Variants in SLC35E3 observed in about 807,000 individuals in gnomAD.
The protein encoded by SLC35E3 is bladder cancer-overexpressed gene 1 protein.
Under a neutral mutation model 30.8 loss-of-function variants are expected in SLC35E3, and 28 were observed. The observed-to-expected ratio is 0.91, with a 90% CI of 0.67 to 1.25. SLC35E3 has a LOEUF of 1.25. SLC35E3 is among the 50% of genes most tolerant of loss of function. The probability of loss-of-function intolerance (pLI) is 0.00; values close to 1 mark genes in which losing one functional copy is unlikely to be tolerated. For synonymous variants in SLC35E3, 146 were observed against 149.2 expected (o/e 0.98, Z 0.16); for missense variants, 365 against 375.4 (o/e 0.97, Z 0.23).
rs1879335983 is a variant in SLC35E3, at chr12:68,764,884, T to A, written c.936T>A (p.Arg312=). ...GAAGTAGGAGTAAACTGGCACAACG[T>A]CCTTAATTGGGTTTTTGTGGAGAAA... ...QEGSRSKLAQ[R]P The change falls in exon 5 of 5, where the codon CGT becomes CGA. Residue 312 remains arginine (R), a synonymous_variant. Coordinates refer to ENST00000398004, the MANE Select transcript of SLC35E3 (RefSeq NM_018656.5). 6.2e-7 allele frequency: 1 copy of A among 1,612,522 alleles called. No homozygotes were observed. Among genetic ancestry groups the A allele is most frequent in the Middle Eastern group, 1.7e-4 (1 of 6,054 alleles).
At chr12:68,756,768 A>G (rs531607752) in intron 3 of SLC35E3, among the ~76,000 whole-genome samples, 137 of 152,320 alleles carry the variant, frequency 9.0e-4, no homozygotes, top group African/African-American at 3.2e-3. Context: ...TTGGGAGGTC[A>G]GGGCGGGCGG....
Position 68,752,591 on chromosome 12 carries a change from C to A in SLC35E3, c.672+401C>A, listed in dbSNP as rs569315444. Among the ~76,000 whole-genome samples, 3 of 152,270 alleles carry A rather than the reference C, an allele frequency of 2.0e-5. No homozygotes were observed. In the East Asian group the frequency reaches 5.8e-4, roughly 29 times the overall value. ...TAAAAATATAAAGAAAGTGAAGGGGCCAGGCACAGTGGCTCACTCCTGTAA... is the reference window on the plus strand; with the variant it reads ...TAAAAATATAAAGAAAGTGAAGGGGACAGGCACAGTGGCTCACTCCTGTAA... On this transcript the variant is annotated intron_variant, in intron 3 of 4. Transcript: ENST00000398004.
At chr12:68,750,068 C>G (rs149791760) in intron 2 of SLC35E3, among the ~76,000 whole-genome samples, 1 of 151,608 alleles carries the variant, frequency 6.6e-6, no homozygotes, top group Admixed American at 6.6e-5. Context: ...TGGGCTAGGG[C>G]GGTGGGAATG....
chr12:68,760,432 A>G (rs1001797696), intron 4 of SLC35E3, among the ~76,000 whole-genome samples: 2 of 152,226 alleles, frequency 1.3e-5, no homozygotes, highest in Non-Finnish European at 2.9e-5. Flanking sequence ...ACTGTTAGAA[A>G]CATTTTGTAT....
At position 68,747,969 on chromosome 12, in the gene SLC35E3, G is replaced by T; in HGVS notation, c.442G>T (p.Asp148Tyr). 1 of 1,607,452 alleles carries T rather than the reference G, an allele frequency of 6.2e-7. No homozygotes were observed. The highest frequency in any genetic ancestry group is 8.5e-7 in the Non-Finnish European group (1 of 1,174,708). Reference protein sequence around the residue: ...TLGVILNSYYDVKFNFLGMVF... With the variant: ...TLGVILNSYYYVKFNFLGMVF... The stretch of plus-strand genomic sequence containing the variant: ...AGGTGTAATCCTAAATTCTTATTAC[G>T]ATGTGAAGTTTAATTTCCTTGGAAT... Residue 148 changes from aspartate (D) to tyrosine (Y), a missense_variant, in exon 2 of 5, where the codon GAT (aspartate) becomes TAT (tyrosine). Coordinates refer to ENST00000398004, the MANE Select transcript of SLC35E3 (RefSeq NM_018656.5).
rs778825058 is a variant in SLC35E3, at chr12:68,765,148, C to T, written c.*258C>T. ...GCGCATGCCTGTAATCCCAGCTACT[C>T]GGGAGGCTGAGGCAGGAGAATCACT... On this transcript the variant is annotated 3_prime_UTR_variant, in exon 5 of 5. Coordinates refer to ENST00000398004, the MANE Select transcript of SLC35E3 (RefSeq NM_018656.5). 40 of 222,348 alleles carry T rather than the reference C, an allele frequency of 1.8e-4. No individual in the cohort carries two copies. Among genetic ancestry groups the T allele is most frequent in the Admixed American group, 3.3e-4 (6 of 18,124 alleles). The allele number at this position is 222,348 out of a possible 1,614,324, so 13.8% of individuals were successfully genotyped here.
At chr12:68,759,603 C>T (rs1360853150) in intron 4 of SLC35E3, among the ~76,000 whole-genome samples, 3 of 151,834 alleles carry the variant, frequency 2.0e-5, no homozygotes, top group African/African-American at 7.3e-5. Flanking sequence ...ACTCAGGAGG[C>T]TGAGGCACAA....
chr12:68,772,554 T>G lies in SLC35E3; in HGVS notation c.*7664T>G, dbSNP rs1422837756. 1 of 152,180 alleles carries G rather than the reference T, an allele frequency of 6.6e-6. No homozygotes were observed. Among genetic ancestry groups the G allele is most frequent in the Non-Finnish European group, 1.5e-5 (1 of 68,038 alleles). 9.4% of individuals were successfully genotyped at this position (152,180 alleles called of 1,614,324 possible). A position where few individuals can be genotyped will look rare whatever the true frequency, so the allele number is the denominator to read the frequency against. On this transcript the variant is annotated 3_prime_UTR_variant, in exon 5 of 5. Transcript: ENST00000398004. ...AATTCAATGAATTATTTATGAGTAT[T>G]AGGGGAATGTTTTTGTTATGCTGCT...
chr12:68,748,063 T>C, intron 2 of SLC35E3, 23 bp downstream of exon 2: 1 of 1,314,188 alleles, frequency 7.6e-7, no homozygotes, highest in Non-Finnish European at 1.1e-6. Context: ...TTTTTCTTTA[T>C]GTGCCTTTTT....
chr12:68,746,686 T>C lies in SLC35E3; in HGVS notation c.309T>C (p.Tyr103=), dbSNP rs1878587309. The part of the protein sequence containing the change: ...LSLQNNTIGT[Y]QLAKAMTTPV... ...TGCAGAACAACACCATAGGCACCTA[T>C]CAGCTGGCCAAGGCCATGACCACGC... Residue 103 remains tyrosine (Y), a synonymous_variant, in exon 1 of 5, where the codon TAT becomes TAC. Transcript: ENST00000398004. The C allele has an allele frequency of 1.9e-6, 3 of 1,614,220 alleles. No individual in the cohort carries two copies. Among genetic ancestry groups the C allele is most frequent in the Non-Finnish European group, 2.5e-6 (3 of 1,180,034 alleles).
intron 2 of SLC35E3, among the ~76,000 whole-genome samples, chr12:68,749,584 T>G (rs1450912533): frequency 6.6e-6 from 1 of 152,258 alleles, no homozygotes; most frequent in Non-Finnish European, 1.5e-5. Context: ...CAGTAGCATA[T>G]GTACCCCAAG....
chr12:68,756,443 T>A (rs1200316254), intron 3 of SLC35E3, among the ~76,000 whole-genome samples: 1 of 146,172 alleles, frequency 6.8e-6, no homozygotes, highest in Non-Finnish European at 1.5e-5. Context: ...AACTCAACTT[T>A]TTTTTTTTTT....
intron 3 of SLC35E3, among the ~76,000 whole-genome samples, chr12:68,758,315 G>A (rs1333581388): frequency 1.3e-5 from 2 of 151,980 alleles, no homozygotes; most frequent in Non-Finnish European, 2.9e-5. Flanking sequence ...AGCTACTCAG[G>A]AGAATGAGGA....
chr12:68,764,909 A>C lies in SLC35E3; in HGVS notation c.*19A>C. On this transcript the variant is annotated 3_prime_UTR_variant, in exon 5 of 5. Transcript: ENST00000398004. Reference sequence around the variant, plus strand: ...TCCTTAATTGGGTTTTTGTGGAGAAAAGAATGTTGTCCCAAGAAGATAAAA... The same window carrying C: ...TCCTTAATTGGGTTTTTGTGGAGAACAGAATGTTGTCCCAAGAAGATAAAA... 6.2e-7 allele frequency: 1 copy of C among 1,608,116 alleles called. No homozygotes were observed. Among genetic ancestry groups the C allele is most frequent in the Non-Finnish European group, 8.5e-7 (1 of 1,176,326 alleles).
chr12:68,765,432 G>C lies in SLC35E3; in HGVS notation c.*542G>C, dbSNP rs1252199707. 1 of 151,278 alleles carries C rather than the reference G, an allele frequency of 6.6e-6. No homozygotes were observed. The highest frequency in any genetic ancestry group is 1.5e-5 in the Non-Finnish European group (1 of 67,946). The allele number at this position is 151,278 out of a possible 1,614,324, so 9.4% of individuals were successfully genotyped here. On this transcript the variant is annotated 3_prime_UTR_variant, in exon 5 of 5. Transcript: ENST00000398004. ...TAAAAATGATTGTATAAAATGTATG[G>C]AATGGTTAGCCTGGTGTGGTGGTGC...
rs764354462 is a variant in SLC35E3 at position 68,764,915 on chromosome 12, G to T, written c.*25G>T. 26 of 1,601,518 alleles carry T rather than the reference G, an allele frequency of 1.6e-5. No individual in the cohort carries two copies. Among genetic ancestry groups the T allele is most frequent in the Non-Finnish European group, 2.2e-5 (26 of 1,171,916 alleles). Reference sequence around the variant, plus strand: ...ATTGGGTTTTTGTGGAGAAAAGAATGTTGTCCCAAGAAGATAAAAAATATT... The same window carrying T: ...ATTGGGTTTTTGTGGAGAAAAGAATTTTGTCCCAAGAAGATAAAAAATATT... On this transcript the variant is annotated 3_prime_UTR_variant, in exon 5 of 5. Coordinates refer to ENST00000398004, the MANE Select transcript of SLC35E3 (RefSeq NM_018656.5).
intron 3 of SLC35E3, among the ~76,000 whole-genome samples, chr12:68,755,663 G>T (rs572711037): frequency 1.3e-5 from 2 of 152,146 alleles, no homozygotes; most frequent in African/African-American, 4.8e-5. Flanking sequence ...AAGGTGAAGG[G>T]GGAGCAGGCA....
In SLC35E3 at chr12:68,746,637, T is replaced by A. The variant is rs924992525; in HGVS notation, c.260T>A (p.Phe87Tyr). ...CTCCTGGCCCTCAGCTTCTGTGGCTTTGTGGTCTTCACTAACCTTTCTCTG... is the reference window on the plus strand; with the variant it reads ...CTCCTGGCCCTCAGCTTCTGTGGCTATGTGGTCTTCACTAACCTTTCTCTG... Reference protein sequence around the residue: ...LLLLALSFCGFVVFTNLSLQN... With the variant: ...LLLLALSFCGYVVFTNLSLQN... Residue 87 changes from phenylalanine (F) to tyrosine (Y), a missense_variant, in exon 1 of 5, where the codon TTT becomes TAT. Transcript: ENST00000398004. The A allele has an allele frequency of 2.5e-6, 4 of 1,614,248 alleles. No homozygotes were observed. The highest frequency in any genetic ancestry group is 3.3e-4 in the Middle Eastern group (2 of 6,062).
Position 68,779,291 on chromosome 12 carries a change from G to A in SLC35E3, c.*14401G>A, listed in dbSNP as rs1227417626. On this transcript the variant is annotated 3_prime_UTR_variant, in exon 5 of 5. Transcript: ENST00000398004. ...GCCCTACCATGTGTGGCTATATTTG[G>A]TAGGTTTTAAATGAAAAGATTTTTG... 3 of 152,080 alleles carry A rather than the reference G, an allele frequency of 2.0e-5. No homozygotes were observed. Among genetic ancestry groups the A allele is most frequent in the Non-Finnish European group, 2.9e-5 (2 of 68,024 alleles). 9.4% of individuals were successfully genotyped at this position (152,080 alleles called of 1,614,324 possible). A position where few individuals can be genotyped will look rare whatever the true frequency, so the allele number is the denominator to read the frequency against.
Sources: gnomAD v4.1 joint callset for allele counts (sites outside exome capture counted in the v4.1 genomes callset) on GRCh38, gnomAD v4.1.1 for gene constraint, MANE v1.5 for transcripts, NCBI Gene and HGNC (gene_info 2026-07-23, HGNC 2026-07-21) for gene names.